CNTNAP2: variants seen among roughly 807,000 people sequenced by gnomAD.
CNTNAP2 encodes contactin associated protein 2.
Under a neutral mutation model 155.2 loss-of-function variants are expected in CNTNAP2, and 98 were observed. The ratio of observed to expected loss-of-function variants is 0.63; its 90% CI spans 0.54 to 0.75. The LOEUF is 0.75. Ranked by LOEUF, CNTNAP2 falls within the 30% of genes least tolerant of loss-of-function variation. CNTNAP2 has a pLI of 0.00. For synonymous variants in CNTNAP2, 651 were observed against 631.2 expected, an observed-to-expected ratio of 1.03 and a Z score of -0.47; for missense variants, 1,727 against 1,688.1, an observed-to-expected ratio of 1.02 and a Z score of -0.40.
At chr7:146,971,070 A>C in intron 3 of CNTNAP2, among the ~76,000 whole-genome samples, 1 of 152,024 alleles carries the variant, frequency 6.6e-6, no homozygotes, top group Middle Eastern at 3.4e-3. Context: ...GTGGGGTTGG[A>C]GGGGGAGGGA....
intron 1 of CNTNAP2, among the ~76,000 whole-genome samples, chr7:146,231,110 A>G (rs1380176206): frequency 6.6e-6 from 1 of 152,184 alleles, no homozygotes; most frequent in Non-Finnish European, 1.5e-5. Flanking sequence ...GCATTCATTA[A>G]TTGGCAGCTA....
At chr7:146,945,301 T>C (rs759912058) in intron 3 of CNTNAP2, among the ~76,000 whole-genome samples, 4 of 152,204 alleles carry the variant, frequency 2.6e-5, no homozygotes, top group Admixed American at 6.5e-5. Context: ...TTAGCTATGG[T>C]TAAATAGAAA....
intron 1 of CNTNAP2, among the ~76,000 whole-genome samples, chr7:146,658,325 A>G (rs1232900824): frequency 1.3e-5 from 2 of 151,964 alleles, no homozygotes; most frequent in South Asian, 2.1e-4. Flanking sequence ...GAGCTAAGTT[A>G]TAGTGCTGGT....
At chr7:148,108,752 G>A (rs1804279636) in intron 15 of CNTNAP2, among the ~76,000 whole-genome samples, 3 of 152,178 alleles carry the variant, frequency 2.0e-5, no homozygotes, top group Admixed American at 2.0e-4. Flanking sequence ...TGCTTGGTTG[G>A]TTAAGTTGTA....
chr7:147,667,551 G>A (rs1481060484), intron 13 of CNTNAP2, among the ~76,000 whole-genome samples: 3 of 152,222 alleles, frequency 2.0e-5, no homozygotes, highest in Middle Eastern at 3.4e-3. Context: ...TTTCCAAGAC[G>A]CCCTTCTGAA....
chr7:147,732,013 T>G (rs939538966), intron 13 of CNTNAP2, among the ~76,000 whole-genome samples: 1 of 152,000 alleles, frequency 6.6e-6, no homozygotes, highest in African/African-American at 2.4e-5. Context: ...TGTTGCTTCT[T>G]CCAGATGAGC....
At chr7:148,045,004 G>C (rs1477938686) in intron 15 of CNTNAP2, among the ~76,000 whole-genome samples, 3 of 152,150 alleles carry the variant, frequency 2.0e-5, no homozygotes, top group Non-Finnish European at 2.9e-5. Context: ...CCTGTGTCTA[G>C]CTTATTCCTA....
chr7:146,881,785 A>T (rs1795557508), intron 3 of CNTNAP2, among the ~76,000 whole-genome samples: 1 of 143,848 alleles, frequency 7.0e-6, no homozygotes, highest in South Asian at 2.2e-4. Flanking sequence ...TACAAAATAT[A>T]AAAACACATT....
chr7:147,218,247 T>C (rs1803317723), intron 8 of CNTNAP2, among the ~76,000 whole-genome samples: 2 of 151,934 alleles, frequency 1.3e-5, no homozygotes, highest in South Asian at 4.1e-4. Flanking sequence ...TGACTTTAGA[T>C]ATTTCTTTTC....
Position 147,323,499 on chromosome 7 carries a change from T to C in CNTNAP2, c.1498+23209T>C, listed in dbSNP as rs372971400. On this transcript the variant is annotated intron_variant, in intron 9 of 23. Coordinates refer to ENST00000361727, the MANE Select transcript of CNTNAP2 (RefSeq NM_014141.6). ...CTGAGGAGAGCTTTACTTCCGACTA[T>C]GTGGTCAATTTTGGAATAGGTGTGG... Among the ~76,000 whole-genome samples the C allele has an allele frequency of 8.3e-5, 12 of 144,036 alleles. No individual in the cohort carries two copies. In the South Asian group the frequency reaches 2.3e-3, roughly 28 times the overall value. 94.5% of individuals were successfully genotyped at this position (144,036 alleles called of 152,430 possible).
intron 21 of CNTNAP2, among the ~76,000 whole-genome samples, chr7:148,306,378 G>A (rs958382374): frequency 2.0e-5 from 3 of 152,044 alleles, no homozygotes; most frequent in African/African-American, 7.2e-5. Flanking sequence ...ATAGATTTTG[G>A]GGGACAATTT....
intron 1 of CNTNAP2, among the ~76,000 whole-genome samples, chr7:146,436,352 C>CTA (rs1458332197): frequency 2.6e-5 from 4 of 152,000 alleles, no homozygotes; most frequent in Admixed American, 6.6e-5. Context: ...GTTGATGTGG[C>CTA]TATATATGTT....
chr7:147,236,850 A>G (rs1464263059), intron 8 of CNTNAP2, among the ~76,000 whole-genome samples: 1 of 151,560 alleles, frequency 6.6e-6, no homozygotes, highest in East Asian at 1.9e-4. Flanking sequence ...ACCTAAAGCA[A>G]CCCTCTATTG....
At chr7:148,205,100 T>C (rs1795428026) in intron 18 of CNTNAP2, among the ~76,000 whole-genome samples, 1 of 152,228 alleles carries the variant, frequency 6.6e-6, no homozygotes, top group African/African-American at 2.4e-5. Context: ...TTCACTAGAC[T>C]GAGACTAAAA....
intron 8 of CNTNAP2, among the ~76,000 whole-genome samples, chr7:147,238,720 C>T (rs934660859): frequency 3.3e-5 from 5 of 152,108 alleles, no homozygotes; most frequent in Admixed American, 2.6e-4. Context: ...AGATGTATTT[C>T]CAGTAAACGT....
intron 13 of CNTNAP2, among the ~76,000 whole-genome samples, chr7:147,712,981 A>G (rs903530755): frequency 8.5e-5 from 13 of 152,126 alleles, no homozygotes; most frequent in African/African-American, 2.9e-4. Context: ...TCCTCTGCCC[A>G]CATTAGTCAG....
intron 8 of CNTNAP2, among the ~76,000 whole-genome samples, chr7:147,176,636 TATA>T (rs913409405): frequency 4.4e-5 from 6 of 137,814 alleles, no homozygotes; most frequent in Admixed American, 2.3e-4. Flanking sequence ...ACACGTATAA[TATA>T]ATATTTATAA....
Position 148,183,475 on chromosome 7 carries a change from C to CTTT in CNTNAP2, c.3010+11018_3010+11020dup, listed in dbSNP as rs71527885. Among the ~76,000 whole-genome samples, 515 of 82,192 alleles carry CTTT rather than the reference C, an allele frequency of 6.3e-3. 1 individual carries two copies. Among genetic ancestry groups the CTTT allele is most frequent in the African/African-American group, 0.01 (191 of 18,776 alleles). The allele number at this position is 82,192 out of a possible 152,430, so 53.9% of individuals were successfully genotyped here. ...GATATTTACAAGAAATACTTATTTG[C>CTTT]TTTTTTTTTTTTTTTTTTTTTTTGA... On this transcript the variant is annotated intron_variant, in intron 18 of 23. Coordinates refer to ENST00000361727, the MANE Select transcript of CNTNAP2 (RefSeq NM_014141.6).
intron 9 of CNTNAP2, among the ~76,000 whole-genome samples, chr7:147,337,041 A>C (rs1461040354): frequency 1.3e-5 from 2 of 152,200 alleles, no homozygotes; most frequent in Non-Finnish European, 2.9e-5. Flanking sequence ...TCAATTAGGG[A>C]AATGGTAAGA....
Sources: gnomAD v4.1 joint callset for allele counts (sites outside exome capture counted in the v4.1 genomes callset) on GRCh38, gnomAD v4.1.1 for gene constraint, MANE v1.5 for transcripts, NCBI Gene and HGNC (gene_info 2026-07-23, HGNC 2026-07-21) for gene names.